Variants in SRRT observed in about 807,000 individuals in gnomAD.
SRRT encodes serrate RNA effector molecule homolog.
Under a neutral mutation model 103.2 loss-of-function variants are expected in SRRT, and 32 were observed. The observed-to-expected ratio is 0.31, with a 90% CI of 0.23 to 0.42. SRRT has a LOEUF of 0.42. SRRT is among the 10% of genes least tolerant of loss of function. The pLI, the probability that SRRT is intolerant of heterozygous loss-of-function variation, is 1.00. For missense variants in SRRT, 986 were observed against 1,207.5 expected, an observed-to-expected ratio of 0.82 and a Z score of 2.72; for synonymous variants, 525 against 449.0, an observed-to-expected ratio of 1.17 and a Z score of -2.14.
At chr7:100,875,398 G>A in intron 1 of SRRT, 70 bp downstream of exon 1, 1 of 1,377,652 alleles carries the variant, frequency 7.3e-7, no homozygotes, top group Non-Finnish European at 9.4e-7. Context: ...GGGGGCGGGC[G>A]CGGAGAAACT....
chr7:100,881,521 TC>T (rs1221325640), intron 3 of SRRT, 108 bp downstream of exon 3: 3 of 1,562,982 alleles, frequency 1.9e-6, no homozygotes, highest in Non-Finnish European at 2.6e-6. Flanking sequence ...TTTCTCAACT[TC>T]CCATCACCCA....
rs199817143 is a variant in SRRT at position 100,885,371 on chromosome 7, G to A, written c.1317+1G>A. ...CATCTCCCGGGCCGAGATCATCTCCGTGAGTGGGGACCCGTGGAGTCAGGG... is the reference window on the plus strand; with the variant it reads ...CATCTCCCGGGCCGAGATCATCTCCATGAGTGGGGACCCGTGGAGTCAGGG... On this transcript the variant is annotated splice_donor_variant, in intron 10 of 19. Transcript: ENST00000611405. LOFTEE classifies it high-confidence loss of function. This position sits in a 1 kb window ranked among gnomAD's most constrained non-coding sequence, Gnocchi z 4.8. 7 of 1,612,726 alleles carry A rather than the reference G, an allele frequency of 4.3e-6. No homozygotes were observed. The highest frequency in any genetic ancestry group is 5.9e-6 in the Non-Finnish European group (7 of 1,179,040).
At chr7:100,883,596 T>C (rs1789785112) in intron 5 of SRRT, among the ~76,000 whole-genome samples, 1 of 152,222 alleles carries the variant, frequency 6.6e-6, no homozygotes, top group Non-Finnish European at 1.5e-5. Flanking sequence ...TTTTGCTATC[T>C]GGCCCTCTGT....
At position 100,885,824 on chromosome 7, in the gene SRRT, C is replaced by T. The variant is rs1277007229; in HGVS notation, c.1380-39C>T. 5 of 1,613,852 alleles carry T rather than the reference C, an allele frequency of 3.1e-6. No individual in the cohort carries two copies. Among genetic ancestry groups the T allele is most frequent in the Non-Finnish European group, 4.2e-6 (5 of 1,179,760 alleles). On this transcript the variant is annotated intron_variant, in intron 11 of 19. Transcript: ENST00000611405. This position sits in a 1 kb window ranked among gnomAD's most constrained non-coding sequence, Gnocchi z 4.8. The stretch of plus-strand genomic sequence containing the variant: ...GGAACGTTAATGGCCAACACCAACT[C>T]CCTCGCTTGACTATGCTAACATTTT...
rs1250107143 is a variant in SRRT at position 100,888,626 on chromosome 7, A to G, written c.*77A>G. The stretch of plus-strand genomic sequence containing the variant: ...CTATGAAGCTCTGAGAATTTTTTGT[A>G]CGATCAGCCTTACTGCTAATAAAAG... On this transcript the variant is annotated 3_prime_UTR_variant, in exon 20 of 20. Transcript: ENST00000611405. 1.9e-6 allele frequency: 3 copies of G among 1,580,944 alleles called. No homozygotes were observed. The highest frequency in any genetic ancestry group is 2.7e-5 in the African/African-American group (2 of 74,220).
rs752054579 is a variant in SRRT, at chr7:100,882,140, G to A, written c.486G>A (p.Ser162=). The A allele has an allele frequency of 5.6e-6, 9 of 1,614,178 alleles. No homozygotes were observed. In the East Asian group the frequency reaches 8.9e-5, roughly 16 times the overall value. The change falls in exon 5 of 20, where the codon TCG becomes TCA. Residue 162 remains serine, a synonymous_variant. Coordinates refer to ENST00000611405, the MANE Select transcript of SRRT (RefSeq NM_015908.6). The surrounding 1 kb of genome is among the most constrained non-coding windows in gnomAD (Gnocchi z 4.2). ...AGTTTCTCCTCTCCCTGGATGACTC[G>A]GTGGATGAGACGGAGGCCGTCAAGC... ...FKEFLLSLDD[S]VDETEAVKRY... is the part of the protein sequence containing the mutation.
Position 100,885,674 on chromosome 7 carries a change from G to T in SRRT, c.1318-27G>T. 6.3e-7 allele frequency: 1 copy of T among 1,592,782 alleles called. No individual in the cohort carries two copies. On this transcript the variant is annotated intron_variant, in intron 10 of 19. Coordinates refer to ENST00000611405, the MANE Select transcript of SRRT (RefSeq NM_015908.6). The surrounding 1 kb of genome is among the most constrained non-coding windows in gnomAD (Gnocchi z 4.8). ...GAAGCGAATGAATCCTTGAGTCACTGTGGGGCTGCTTTTCTGCTTCTTGCA... is the reference window on the plus strand; with the variant it reads ...GAAGCGAATGAATCCTTGAGTCACTTTGGGGCTGCTTTTCTGCTTCTTGCA...
At position 100,888,078 on chromosome 7, in the gene SRRT, C is replaced by T. The variant is rs756252973; in HGVS notation, c.2363C>T (p.Pro788Leu). 3 of 1,598,674 alleles carry T rather than the reference C, an allele frequency of 1.9e-6. No individual in the cohort carries two copies. Among genetic ancestry groups the T allele is most frequent in the Non-Finnish European group, 2.6e-6 (3 of 1,172,796 alleles). Reference sequence around the variant, plus strand: ...GGTTTGACCCCAGGACTCCCCTACCCACACCAGACTCCCCAGGGCCTGATG... The same window carrying T: ...GGTTTGACCCCAGGACTCCCCTACCTACACCAGACTCCCCAGGGCCTGATG... ...PPGLTPGLPY[P>L]HQTPQGLMPY... The change falls in exon 18 of 20, where the codon CCA becomes CTA. Residue 788 changes from proline (P) to leucine (L), a missense_variant. Transcript: ENST00000611405.
chr7:100,883,843 C>T (rs766201807), intron 5 of SRRT, among the ~76,000 whole-genome samples: 16 of 152,194 alleles, frequency 1.1e-4, no homozygotes, highest in Non-Finnish European at 1.9e-4. Flanking sequence ...ATCCAGAGCT[C>T]TTAGTTCCTG....
In SRRT at chr7:100,884,755, T is replaced by G; in HGVS notation, c.958T>G (p.Ser320Ala). The G allele has an allele frequency of 6.2e-7, 1 of 1,613,832 alleles. No individual in the cohort carries two copies. Among genetic ancestry groups the G allele is most frequent in the Non-Finnish European group, 8.5e-7 (1 of 1,179,922 alleles). The change falls in exon 8 of 20, where the codon TCT (serine) becomes GCT (alanine). Residue 320 changes from serine (S) to alanine (A), a missense_variant. Coordinates refer to ENST00000611405, the MANE Select transcript of SRRT (RefSeq NM_015908.6). ...EDGKQAENDS[S>A]NDDKTKKSEG... The stretch of plus-strand genomic sequence containing the variant: ...CTTACCATAGGCTGAGAATGACAGT[T>G]CTAATGATGACAAAACAAAGAAGTC...
Position 100,884,060 on chromosome 7 carries a change from T to C in SRRT, c.588-10T>C. The C allele has an allele frequency of 6.4e-7, 1 of 1,568,872 alleles. No individual in the cohort carries two copies. Among genetic ancestry groups the C allele is most frequent in the Non-Finnish European group, 8.6e-7 (1 of 1,162,110 alleles). On this transcript the variant is annotated splice_polypyrimidine_tract_variant and intron_variant, in intron 5 of 19. Transcript: ENST00000611405. ...CTGTTTTGTCTTTCCCTCCCCCGCTTCGTTCCCAGGTTTCGGTCTAAGTAC... is the reference window on the plus strand; with the variant it reads ...CTGTTTTGTCTTTCCCTCCCCCGCTCCGTTCCCAGGTTTCGGTCTAAGTAC...
Position 100,885,489 on chromosome 7 carries a change from C to T in SRRT, c.1317+119C>T, listed in dbSNP as rs2115864332. The T allele has an allele frequency of 1.6e-6, 2 of 1,236,608 alleles. No homozygotes were observed. Among genetic ancestry groups the T allele is most frequent in the Non-Finnish European group, 2.2e-6 (2 of 893,288 alleles). 76.6% of individuals were successfully genotyped at this position (1,236,608 alleles called of 1,614,324 possible). A position where few individuals can be genotyped will look rare whatever the true frequency, so the allele number is the denominator to read the frequency against. On this transcript the variant is annotated intron_variant, in intron 10 of 19. Coordinates refer to ENST00000611405, the MANE Select transcript of SRRT (RefSeq NM_015908.6). This position sits in a 1 kb window ranked among gnomAD's most constrained non-coding sequence, Gnocchi z 4.8. Reference sequence around the variant, plus strand: ...TTTCACCTGCTAGGGAGGCCCCTTCCCCAGGTTCCATGGCCTCCGAGGACT... The same window carrying T: ...TTTCACCTGCTAGGGAGGCCCCTTCTCCAGGTTCCATGGCCTCCGAGGACT...
chr7:100,883,823 G>A (rs560204288), intron 5 of SRRT, among the ~76,000 whole-genome samples: 3 of 152,308 alleles, frequency 2.0e-5, no homozygotes, highest in Middle Eastern at 3.4e-3. Context: ...GTAGTCATTG[G>A]TCTTCCCAAA....
In SRRT at chr7:100,887,575, C is replaced by A; in HGVS notation, c.2169+62C>A. The A allele has an allele frequency of 6.3e-7, 1 of 1,591,006 alleles. No homozygotes were observed. The highest frequency in any genetic ancestry group is 8.6e-7 in the Non-Finnish European group (1 of 1,166,200). The stretch of plus-strand genomic sequence containing the variant: ...GGGAGGTGGGGTTGAGACAGGAAGC[C>A]CCCTGGGCAGGGGTGGGGGAACTGC... On this transcript the variant is annotated intron_variant, in intron 16 of 19. Transcript: ENST00000611405. The surrounding 1 kb of genome is among the most constrained non-coding windows in gnomAD (Gnocchi z 4.1).
At position 100,878,905 on chromosome 7, in the gene SRRT, CTTTCT is replaced by C. The variant is rs879758743; in HGVS notation, c.123-2365_123-2361del. On this transcript the variant is annotated intron_variant, in intron 2 of 19. Transcript: ENST00000611405. ...CCTTCCTTCCTTTTCTTTTCTTTTCCTTTCTTTTCTTTTCTTTTCCTTCCTTTCTT... is the reference window on the plus strand; with the variant it reads ...CCTTCCTTCCTTTTCTTTTCTTTTCCTTTCTTTTCTTTTCCTTCCTTTCTT... 1.1e-3 allele frequency among the ~76,000 whole-genome samples: 167 copies of C among 151,738 alleles called. 1 individual carries two copies. The highest frequency in any genetic ancestry group is 3.4e-3 in the African/African-American group (141 of 41,420).
Position 100,875,573 on chromosome 7 carries a change from G to A in SRRT, c.-18G>A. 1 of 1,613,536 alleles carries A rather than the reference G, an allele frequency of 6.2e-7. No homozygotes were observed. ...CCTACCGCCTCTCCCCGGTCCCCAG[G>A]CCCCCTCAGACCGTGCCATGGGTGA... On this transcript the variant is annotated splice_region_variant and 5_prime_UTR_variant, in exon 2 of 20. Transcript: ENST00000611405.
intron 1 of SRRT, 118 bp downstream of exon 1, chr7:100,875,446 C>T: frequency 6.5e-7 from 1 of 1,527,858 alleles, no homozygotes; most frequent in Non-Finnish European, 8.8e-7. Context: ...GTTCTCAGGC[C>T]TAGGATGGTG....
At chr7:100,881,627 C>T (rs765944977) in intron 3 of SRRT, 32 bp from the exon 4 acceptor site, 2 of 1,613,398 alleles carry the variant, frequency 1.2e-6, no homozygotes, top group East Asian at 4.5e-5. Flanking sequence ...TGACTCCCTT[C>T]TCTGCTTTAC....
rs1356545715 is a variant in SRRT, at chr7:100,881,310, C to T, written c.148C>T (p.Arg50Cys). 5 of 1,613,068 alleles carry T rather than the reference C, an allele frequency of 3.1e-6. No individual in the cohort carries two copies. Among genetic ancestry groups the T allele is most frequent in the East Asian group, 2.2e-5 (1 of 44,844 alleles). ...DREWDRGRER[R>C]SRGEYRDYDR... ...AGAGTGGGACCGTGGCCGTGAGCGC[C>T]GTAGTCGGGGTGAATATCGGGACTA... is the stretch of plus-strand genomic sequence containing the variant. The change falls in exon 3 of 20, where the codon CGT becomes TGT. Residue 50 changes from arginine (R) to cysteine (C), a missense_variant. By Grantham distance (180) the Arg-to-Cys change is radical (BLOSUM62 -3). Around this residue, in one of 6 missense-constraint regions of SRRT, gnomAD observed 274 missense variants for 358.5 expected, o/e 0.76. Transcript: ENST00000611405.
Sources: gnomAD v4.1 joint callset for allele counts (sites outside exome capture counted in the v4.1 genomes callset) on GRCh38, gnomAD v4.1.1 for gene constraint, gnomAD v4.1.1 regional missense constraint, Gnocchi (gnomAD v3.1) non-coding constraint, MANE v1.5 for transcripts, NCBI Gene and HGNC (gene_info 2026-07-23, HGNC 2026-07-21) for gene names.